ELK3: variants seen among roughly 807,000 people sequenced by gnomAD.
The protein encoded by ELK3 is ETS domain-containing protein Elk-3.
A neutral mutation model predicts 28.9 loss-of-function variants in ELK3; 10 were observed. That is an observed-to-expected ratio of 0.35 (90% CI 0.21 to 0.59). ELK3 has a LOEUF of 0.59. ELK3 is among the 20% of genes least tolerant of loss of function. The pLI is 0.82. For missense variants in ELK3, 463 were observed against 517.3 expected (o/e 0.90, Z 1.02); for synonymous variants, 272 against 243.5 (o/e 1.12, Z -1.09).
intron 2 of ELK3, among the ~76,000 whole-genome samples, chr12:96,242,671 C>T (rs947521482): frequency 2.7e-5 from 4 of 150,864 alleles, no homozygotes; most frequent in African/African-American, 4.8e-5. Flanking sequence ...CCGTGGGCAC[C>T]GCTGTGGGGG....
In ELK3 at chr12:96,247,230, G is replaced by A. The variant is rs1343404362; in HGVS notation, c.498G>A (p.Leu166=). 1 of 1,614,222 alleles carries A rather than the reference G, an allele frequency of 6.2e-7. No individual in the cohort carries two copies. Among genetic ancestry groups the A allele is most frequent in the Admixed American group, 1.7e-5 (1 of 60,026 alleles). The change falls in exon 3 of 5, where the codon CTG becomes CTA. Residue 166 remains leucine, a synonymous_variant. Coordinates refer to ENST00000228741, the MANE Select transcript of ELK3 (RefSeq NM_005230.4). The surrounding 1 kb of genome is among the most constrained non-coding windows in gnomAD (Gnocchi z 5.5). ...DAFKAIKTEK[L]EEPPEDSPPV... ...TCAAGGCCATCAAGACGGAGAAGCT[G>A]GAGGAGCCGCCCGAAGACAGCCCCC...
chr12:96,221,178 C>CA (rs1213641663), intron 1 of ELK3, among the ~76,000 whole-genome samples: 1 of 152,212 alleles, frequency 6.6e-6, no homozygotes, highest in African/African-American at 2.4e-5. Context: ...CAGTTGAGAA[C>CA]ATTTAACAAG....
At chr12:96,241,925 G>A (rs773378899) in intron 2 of ELK3, among the ~76,000 whole-genome samples, 5 of 152,184 alleles carry the variant, frequency 3.3e-5, no homozygotes, top group South Asian at 2.1e-4. Flanking sequence ...AATGCCTGCC[G>A]GGCAAAGAGG....
At chr12:96,211,424 G>T (rs1951577015) in intron 1 of ELK3, among the ~76,000 whole-genome samples, 2 of 151,720 alleles carry the variant, frequency 1.3e-5, no homozygotes, top group African/African-American at 4.8e-5. Context: ...ATTTTAGATT[G>T]TCAGAAAGGT....
chr12:96,235,891 G>C (rs907456748), intron 2 of ELK3, among the ~76,000 whole-genome samples: 1 of 152,166 alleles, frequency 6.6e-6, no homozygotes, highest in African/African-American at 2.4e-5. Context: ...GCAGTGGTGA[G>C]ATTTTAGTTC....
intron 1 of ELK3, among the ~76,000 whole-genome samples, chr12:96,220,260 CCTT>C (rs563573080): frequency 5.3e-5 from 8 of 152,112 alleles, no homozygotes; most frequent in African/African-American, 1.7e-4. Context: ...TTCTTTCTCT[CCTT>C]CTACCTTTGC....
intron 4 of ELK3, among the ~76,000 whole-genome samples, chr12:96,262,179 C>A (rs1194777527): frequency 2.5e-4 from 38 of 152,080 alleles, no homozygotes. Flanking sequence ...CCACCACACA[C>A]AGTTAATTTT....
At chr12:96,240,828 C>T (rs892650820) in intron 2 of ELK3, among the ~76,000 whole-genome samples, 2 of 152,140 alleles carry the variant, frequency 1.3e-5, no homozygotes, top group Admixed American at 6.6e-5. Flanking sequence ...CCTGGCTCCT[C>T]GCGGGGAGGA....
At chr12:96,211,220 G>A (rs899487893) in intron 1 of ELK3, among the ~76,000 whole-genome samples, 1 of 152,298 alleles carries the variant, frequency 6.6e-6, no homozygotes, top group South Asian at 2.1e-4. Flanking sequence ...TAAAGTAATG[G>A]ATTTCTTTAG....
intron 2 of ELK3, among the ~76,000 whole-genome samples, chr12:96,228,247 G>A (rs1331454350): frequency 5.0e-5 from 7 of 141,258 alleles, no homozygotes; most frequent in South Asian, 2.2e-4. Flanking sequence ...GTGAAACCCC[G>A]TCTCTACTAA....
In ELK3 at chr12:96,194,447, A is replaced by G. The variant is rs1247007876; in HGVS notation, c.-261A>G. On this transcript the variant is annotated 5_prime_UTR_variant, in exon 1 of 5. Coordinates refer to ENST00000228741, the MANE Select transcript of ELK3 (RefSeq NM_005230.4). ...CGGCGCGGGGCGGAAAAGCCTGTTT[A>G]CACAGACTGCACACCGCCTGGGGAA... 2 of 149,758 alleles carry G rather than the reference A, an allele frequency of 1.3e-5. No homozygotes were observed. Among genetic ancestry groups the G allele is most frequent in the Non-Finnish European group, 3.0e-5 (2 of 67,392 alleles). 9.3% of individuals were successfully genotyped at this position (149,758 alleles called of 1,614,324 possible).
chr12:96,259,884 T>C, intron 4 of ELK3, 31 bp downstream of exon 4: 1 of 1,565,432 alleles, frequency 6.4e-7, no homozygotes, highest in African/African-American at 1.4e-5. Flanking sequence ...TTTTGAACAT[T>C]AAGCTTCTGA....
intron 2 of ELK3, among the ~76,000 whole-genome samples, chr12:96,225,683 A>AT (rs1951693990): frequency 6.6e-6 from 1 of 152,202 alleles, no homozygotes; most frequent in African/African-American, 2.4e-5. Flanking sequence ...CAGAGCCCGG[A>AT]TTTGAACCCA....
rs1185794385 is a variant in ELK3, at chr12:96,267,290, T to G, written c.*110T>G. ...CATTGTGAAACTCTTGTTAATTTGG[T>G]TTGCACTTTTCATAACATGGATAGT... On this transcript the variant is annotated 3_prime_UTR_variant, in exon 5 of 5. Coordinates refer to ENST00000228741, the MANE Select transcript of ELK3 (RefSeq NM_005230.4). 2.2e-6 allele frequency: 2 copies of G among 927,762 alleles called. No individual in the cohort carries two copies. The highest frequency in any genetic ancestry group is 3.2e-6 in the Non-Finnish European group (2 of 630,290). 57.5% of individuals were successfully genotyped at this position (927,762 alleles called of 1,614,324 possible). A position where few individuals can be genotyped will look rare whatever the true frequency, so the allele number is the denominator to read the frequency against.
At chr12:96,261,516 T>C (rs1951992524) in intron 4 of ELK3, among the ~76,000 whole-genome samples, 1 of 152,206 alleles carries the variant, frequency 6.6e-6, no homozygotes, top group Non-Finnish European at 1.5e-5. Flanking sequence ...CTAAAATTAA[T>C]AGAATAGAAA....
At position 96,268,226 on chromosome 12, in the gene ELK3, G is replaced by A. The variant is rs1041719569; in HGVS notation, c.*1046G>A. On this transcript the variant is annotated 3_prime_UTR_variant, in exon 5 of 5. Coordinates refer to ENST00000228741, the MANE Select transcript of ELK3 (RefSeq NM_005230.4). ...CTAGGTATCTTCATCAGTATAGGTAGGTGTTCACAATTTTTGATGGATCAA... is the reference window on the plus strand; with the variant it reads ...CTAGGTATCTTCATCAGTATAGGTAAGTGTTCACAATTTTTGATGGATCAA... The A allele has an allele frequency of 6.6e-6, 1 of 152,218 alleles. No homozygotes were observed. The highest frequency in any genetic ancestry group is 2.4e-5 in the African/African-American group (1 of 41,450). The allele number at this position is 152,218 out of a possible 1,614,324, so 9.4% of individuals were successfully genotyped here.
chr12:96,248,533 CCTG>C (rs1303748631), intron 3 of ELK3, among the ~76,000 whole-genome samples: 1 of 152,190 alleles, frequency 6.6e-6, no homozygotes, highest in Non-Finnish European at 1.5e-5. Flanking sequence ...GGTTCACAGA[CCTG>C]CATTCAGTTC....
intron 2 of ELK3, among the ~76,000 whole-genome samples, chr12:96,244,531 T>G (rs1951843353): frequency 2.0e-5 from 3 of 152,070 alleles, no homozygotes; most frequent in African/African-American, 7.2e-5. Flanking sequence ...TTCTTCTGTG[T>G]TTTTATTTTG....
intron 1 of ELK3, among the ~76,000 whole-genome samples, chr12:96,203,866 G>A (rs1436597640): frequency 1.3e-5 from 2 of 152,096 alleles, no homozygotes; most frequent in Admixed American, 6.6e-5. Context: ...GCTTGAACCC[G>A]GGCGGTGAAG....
Sources: allele counts gnomAD v4.1 joint callset (sites outside exome capture counted in the v4.1 genomes callset), GRCh38; gene constraint gnomAD v4.1.1; non-coding constraint Gnocchi (gnomAD v3.1); transcripts MANE v1.5; gene names NCBI Gene and HGNC (gene_info 2026-07-23, HGNC 2026-07-21).